Variants in PTPRM observed in about 807,000 individuals in gnomAD.
The protein encoded by PTPRM is receptor-type tyrosine-protein phosphatase mu.
In PTPRM, 47 loss-of-function variants were observed where a neutral mutation model predicts 186.7. The ratio of observed to expected loss-of-function variants is 0.25; its 90% CI spans 0.20 to 0.32. The LOEUF is 0.32. Ranked by LOEUF, PTPRM falls within the 10% of genes least tolerant of loss-of-function variation. The pLI is 1.00. For synonymous variants in PTPRM, 668 were observed against 674.9 expected (o/e 0.99, Z 0.16); for missense variants, 1,494 against 1,865.0 (o/e 0.80, Z 3.66).
intron 19 of PTPRM, among the ~76,000 whole-genome samples, chr18:8,293,990 C>T (rs2095068205): frequency 6.6e-6 from 1 of 152,178 alleles, no homozygotes; most frequent in South Asian, 2.1e-4. Flanking sequence ...CAGTGGCTCA[C>T]TCCTGTAATC....
At chr18:7,732,299 G>A (rs2040676593) in intron 1 of PTPRM, among the ~76,000 whole-genome samples, 1 of 152,068 alleles carries the variant, frequency 6.6e-6, no homozygotes, top group East Asian at 1.9e-4. Flanking sequence ...AGCTGGCTTC[G>A]AAGGTGGTGT....
intron 2 of PTPRM, among the ~76,000 whole-genome samples, chr18:7,852,796 C>T (rs1338535220): frequency 2.6e-5 from 4 of 152,000 alleles, no homozygotes; most frequent in African/African-American, 4.8e-5. Flanking sequence ...CCTGGGAGTT[C>T]GAGGCTGCAC....
chr18:8,283,998 G>A (rs1168267403), intron 19 of PTPRM, among the ~76,000 whole-genome samples: 1 of 152,052 alleles, frequency 6.6e-6, no homozygotes, highest in Non-Finnish European at 1.5e-5. Flanking sequence ...CATCAAAATC[G>A]TTTGAGCCTG....
rs150499996 is a variant in PTPRM at position 8,334,042 on chromosome 18, C to T, written c.2957-9381C>T. ...TGGCAGTGCTGCTGTAACAAAGGCA[C>T]TTCATCTCCTAAGCCTGTTTCTTGG... is the stretch of plus-strand genomic sequence containing the variant. On this transcript the variant is annotated intron_variant, in intron 22 of 32. Coordinates refer to ENST00000580170, the MANE Select transcript of PTPRM (RefSeq NM_001105244.2). Among the ~76,000 whole-genome samples the T allele has an allele frequency of 2.8e-3, 422 of 152,342 alleles. 5 individuals are homozygous for T. Among genetic ancestry groups the T allele is most frequent in the African/African-American group, 9.9e-3 (410 of 41,576 alleles).
At chr18:8,128,662 A>G (rs2092430975) in intron 13 of PTPRM, among the ~76,000 whole-genome samples, 1 of 152,194 alleles carries the variant, frequency 6.6e-6, no homozygotes, top group South Asian at 2.1e-4. Context: ...GGATACAGGC[A>G]TGCCATGAGG....
intron 17 of PTPRM, among the ~76,000 whole-genome samples, chr18:8,252,221 A>G (rs1465924451): frequency 6.6e-6 from 1 of 152,252 alleles, no homozygotes; most frequent in East Asian, 1.9e-4. Flanking sequence ...ACTTATTTAG[A>G]CATTACTTGG....
chr18:8,352,925 C>T (rs896488970), intron 23 of PTPRM, among the ~76,000 whole-genome samples: 1 of 152,112 alleles, frequency 6.6e-6, no homozygotes, highest in African/African-American at 2.4e-5. Context: ...CTGCCTTGGC[C>T]TCCCAAAGTG....
chr18:7,641,556 G>A (rs915810641), intron 1 of PTPRM, among the ~76,000 whole-genome samples: 5 of 152,174 alleles, frequency 3.3e-5, no homozygotes, highest in African/African-American at 1.2e-4. Context: ...TGTAAAACTA[G>A]AGCGGTGGCA....
chr18:8,151,887 C>T (rs931656989), intron 14 of PTPRM, among the ~76,000 whole-genome samples: 6 of 152,000 alleles, frequency 3.9e-5, no homozygotes, highest in African/African-American at 7.2e-5. Context: ...CAGTCCCTCA[C>T]GGCTTCCCTT....
chr18:7,674,482 T>C (rs1388109848), intron 1 of PTPRM, among the ~76,000 whole-genome samples: 1 of 152,018 alleles, frequency 6.6e-6, no homozygotes, highest in African/African-American at 2.4e-5. Flanking sequence ...GGGAGGAAGA[T>C]GGGCAGGCAC....
intron 7 of PTPRM, among the ~76,000 whole-genome samples, chr18:7,993,330 T>G (rs963188146): frequency 2.0e-4 from 30 of 151,996 alleles, no homozygotes; most frequent in African/African-American, 6.5e-4. Context: ...TAATAAAAAT[T>G]TCTTAAATCT....
intron 1 of PTPRM, among the ~76,000 whole-genome samples, chr18:7,621,373 A>T (rs1268110233): frequency 1.3e-5 from 2 of 152,202 alleles, no homozygotes; most frequent in African/African-American, 4.8e-5. Flanking sequence ...TAGAGTTCCC[A>T]TATAGCCCTG....
intron 14 of PTPRM, among the ~76,000 whole-genome samples, chr18:8,200,572 A>G (rs944834640): frequency 6.6e-5 from 10 of 152,276 alleles, no homozygotes; most frequent in African/African-American, 1.2e-4. Context: ...CACCGCACGC[A>G]GCCCATCTGG....
At chr18:7,810,313 G>A (rs1371077351) in intron 2 of PTPRM, among the ~76,000 whole-genome samples, 3 of 152,180 alleles carry the variant, frequency 2.0e-5, no homozygotes, top group Non-Finnish European at 4.4e-5. Flanking sequence ...GTTTTAATCT[G>A]GTAGTTGGTT....
At chr18:8,311,397 G>A (rs1471046474) in intron 20 of PTPRM, among the ~76,000 whole-genome samples, 1 of 151,960 alleles carries the variant, frequency 6.6e-6, no homozygotes, top group African/African-American at 2.4e-5. Context: ...CCATTCATTA[G>A]CATGGGGAAG....
At chr18:8,213,402 A>G (rs1390283748) in intron 14 of PTPRM, among the ~76,000 whole-genome samples, 1 of 152,262 alleles carries the variant, frequency 6.6e-6, no homozygotes, top group African/African-American at 2.4e-5. Context: ...TGGTTCAGAT[A>G]TTTAACGGTC....
At chr18:7,618,321 C>T (rs1044816984) in intron 1 of PTPRM, among the ~76,000 whole-genome samples, 4 of 152,132 alleles carry the variant, frequency 2.6e-5, no homozygotes, top group African/African-American at 9.7e-5. Context: ...ATGCCTCTTT[C>T]TTCTTCTCAT....
intron 3 of PTPRM, among the ~76,000 whole-genome samples, chr18:7,893,063 A>G (rs894855510): frequency 2.6e-5 from 4 of 152,180 alleles, no homozygotes; most frequent in African/African-American, 9.7e-5. Context: ...TTAAAGATGG[A>G]TTTGTAGAGA....
chr18:8,365,157 G>A (rs1020816107), intron 23 of PTPRM, among the ~76,000 whole-genome samples: 9 of 152,160 alleles, frequency 5.9e-5, no homozygotes, highest in Non-Finnish European at 7.3e-5. Flanking sequence ...TGAGGAAAGC[G>A]TAAAGCACCT....
Sources: gnomAD v4.1 joint callset for allele counts (sites outside exome capture counted in the v4.1 genomes callset) on GRCh38, gnomAD v4.1.1 for gene constraint, MANE v1.5 for transcripts, NCBI Gene and HGNC (gene_info 2026-07-23, HGNC 2026-07-21) for gene names.